The following KIAA0586 variants were observed in gnomAD, a reference collection of about 807,000 sequenced individuals.
KIAA0586 encodes the protein KIAA0586.
Under a neutral mutation model 169.8 loss-of-function variants are expected in KIAA0586, and 144 were observed. That is an observed-to-expected ratio of 0.85 (90% confidence interval 0.74 to 0.97). The LOEUF (loss-of-function observed/expected upper bound fraction) is 0.97. KIAA0586 is among the 50% of genes least tolerant of loss of function. The pLI, the probability that KIAA0586 is intolerant of heterozygous loss-of-function variation, is 0.00. For missense variants in KIAA0586, 1,854 were observed against 1,823.0 expected (o/e 1.02, Z -0.31); for synonymous variants, 625 against 612.4 (o/e 1.02, Z -0.30).
chr14:58,544,820 G>T (rs745690453), intron 30 of KIAA0586, among the ~76,000 whole-genome samples: 3 of 152,148 alleles, frequency 2.0e-5, no homozygotes, highest in Non-Finnish European at 4.4e-5. Flanking sequence ...ACAGGACTTG[G>T]CCCTGGCCTT....
At chr14:58,494,767 T>C (rs112664159) in intron 26 of KIAA0586, among the ~76,000 whole-genome samples, 3 of 152,174 alleles carry the variant, frequency 2.0e-5, no homozygotes, top group Non-Finnish European at 4.4e-5. Context: ...GAAGGAATGA[T>C]GCCCACGGAT....
In KIAA0586 at chr14:58,487,873, A is replaced by AC; in HGVS notation, c.3305-14_3305-13insC. 6.3e-7 allele frequency: 1 copy of AC among 1,598,284 alleles called. No homozygotes were observed. The highest frequency in any genetic ancestry group is 1.3e-5 in the African/African-American group (1 of 74,208). Reference sequence around the variant, plus strand: ...CTACTATCTTTTTCTGTCCTTTTAAAAAAAAACCTTTAGGAGATGATATGC... The same window carrying AC: ...CTACTATCTTTTTCTGTCCTTTTAAACAAAAAACCTTTAGGAGATGATATGC... On this transcript the variant is annotated splice_polypyrimidine_tract_variant and intron_variant, in intron 22 of 30. Coordinates refer to ENST00000652326, the MANE Select transcript of KIAA0586 (RefSeq NM_001329943.3).
At chr14:58,457,038 C>G (rs1489269119) in intron 10 of KIAA0586, among the ~76,000 whole-genome samples, 1 of 152,166 alleles carries the variant, frequency 6.6e-6, no homozygotes, top group Non-Finnish European at 1.5e-5. Context: ...CTCTGGCTTC[C>G]CAGCTTCTGT....
Position 58,458,477 on chromosome 14 carries a change from A to G in KIAA0586, c.1588A>G (p.Met530Val). Residue 530 changes from methionine to valine, a missense_variant, in exon 12 of 31, where the codon ATG becomes GTG. Physicochemically the swap from Met to Val is conservative, Grantham distance 21. Coordinates refer to ENST00000652326, the MANE Select transcript of KIAA0586 (RefSeq NM_001329943.3). The stretch of plus-strand genomic sequence containing the variant: ...ATTCCTTTTTCTCTTTTATAGAGAG[A>G]TGTCAGAGAAAATTAGGATCAGAAA... ...LINALSTNREMSEKIRIRKTV... is the reference protein window; with the variant it reads ...LINALSTNREVSEKIRIRKTV... 1.3e-6 allele frequency: 2 copies of G among 1,518,514 alleles called. No homozygotes were observed. Among genetic ancestry groups the G allele is most frequent in the Non-Finnish European group, 1.8e-6 (2 of 1,118,376 alleles). The allele number at this position is 1,518,514 out of a possible 1,614,324, so 94.1% of individuals were successfully genotyped here.
chr14:58,553,074 G>A (rs957973975), downstream of KIAA0586, among the ~76,000 whole-genome samples: 2 of 152,188 alleles, frequency 1.3e-5, no homozygotes, highest in South Asian at 2.1e-4. Context: ...ATAGTCGGAC[G>A]GGTTATAAAA....
chr14:58,498,002 C>T (rs183510897), intron 26 of KIAA0586, among the ~76,000 whole-genome samples: 74 of 151,612 alleles, frequency 4.9e-4, no homozygotes, highest in Middle Eastern at 6.8e-3. Context: ...CTCAGCCTCC[C>T]GAGTAGCTGG....
At position 58,442,894 on chromosome 14, in the gene KIAA0586, C is replaced by A; in HGVS notation, c.585+14C>A. The A allele has an allele frequency of 6.3e-7, 1 of 1,577,836 alleles. No homozygotes were observed. The highest frequency in any genetic ancestry group is 1.2e-5 in the South Asian group (1 of 86,274). On this transcript the variant is annotated intron_variant, in intron 5 of 30. Transcript: ENST00000652326. ...CCGTTGATAAAGGTATATTTTTCTT[C>A]CCAGATAATCATAACTACTTTGTGA...
chr14:58,488,226 C>T (rs2042605862), intron 23 of KIAA0586, 117 bp downstream of exon 23: 1 of 819,308 alleles, frequency 1.2e-6, no homozygotes, highest in Non-Finnish European at 1.8e-6. Context: ...CTACCTTATA[C>T]TTTGAAAGAA....
chr14:58,485,906 C>G (rs567848402), intron 21 of KIAA0586, among the ~76,000 whole-genome samples: 50 of 151,726 alleles, frequency 3.3e-4, no homozygotes, highest in African/African-American at 1.2e-3. Context: ...TGTTCTATGC[C>G]TTTCCTTCAT....
chr14:58,481,417 T>C (rs2042021788), intron 20 of KIAA0586, among the ~76,000 whole-genome samples: 1 of 152,228 alleles, frequency 6.6e-6, no homozygotes, highest in African/African-American at 2.4e-5. Context: ...CTATAGGACA[T>C]CTGATAACAA....
At position 58,461,089 on chromosome 14, in the gene KIAA0586, C is replaced by A; in HGVS notation, c.1988C>A (p.Pro663Gln). Reference sequence around the variant, plus strand: ...CATCGAAGCACTCTTAAAAAAGGACCATATCTCAGATTTAATTCTCCATCT... The same window carrying A: ...CATCGAAGCACTCTTAAAAAAGGACAATATCTCAGATTTAATTCTCCATCT... ...QGHRSTLKKG[P>Q]YLRFNSPSPK... The change falls in exon 14 of 31, where the codon CCA becomes CAA. Residue 663 changes from proline (P) to glutamine (Q), a missense_variant. Coordinates refer to ENST00000652326, the MANE Select transcript of KIAA0586 (RefSeq NM_001329943.3). 1 of 1,609,436 alleles carries A rather than the reference C, an allele frequency of 6.2e-7. No homozygotes were observed. The highest frequency in any genetic ancestry group is 8.5e-7 in the Non-Finnish European group (1 of 1,177,734).
chr14:58,518,636 T>C (rs1304252203), intron 29 of KIAA0586, among the ~76,000 whole-genome samples: 1 of 152,246 alleles, frequency 6.6e-6, no homozygotes, highest in Non-Finnish European at 1.5e-5. Flanking sequence ...GCTACTAAGC[T>C]TCAATGCCTT....
rs2040054083 is a variant in KIAA0586, at chr14:58,458,483, G to T, written c.1594G>T (p.Glu532Ter). ...TTTTCTCTTTTATAGAGAGATGTCA[G>T]AGAAAATTAGGATCAGAAAGACAGT... ...NALSTNREMSEKIRIRKTVDE... is the reference protein window; with the variant it reads ...NALSTNREMS The change falls in exon 12 of 31, where the codon GAG (glutamate) becomes TAG (stop). Residue 532 changes from glutamate to a stop codon, truncating the protein, a stop_gained. Coordinates refer to ENST00000652326, the MANE Select transcript of KIAA0586 (RefSeq NM_001329943.3). LOFTEE classifies it high-confidence loss of function. The T allele has an allele frequency of 1.3e-6, 2 of 1,533,190 alleles. No individual in the cohort carries two copies. Among genetic ancestry groups the T allele is most frequent in the African/African-American group, 1.4e-5 (1 of 72,672 alleles). 95.0% of individuals were successfully genotyped at this position (1,533,190 alleles called of 1,614,324 possible). A position where few individuals can be genotyped will look rare whatever the true frequency, so the allele number is the denominator to read the frequency against.
At chr14:58,439,953 T>G (rs916609875) in intron 4 of KIAA0586, 15 of 272,552 alleles carry the variant, frequency 5.5e-5, no homozygotes, top group Non-Finnish European at 7.1e-5. Flanking sequence ...TTGGCTAGCC[T>G]TCTTTTTTCT....
chr14:58,547,945 A>T lies in KIAA0586; in HGVS notation c.*13A>T, dbSNP rs755575817. Reference sequence around the variant, plus strand: ...AGATACCTTCTGAACGGGAAGAGACAGCCAGCACAGTGTTTATGCCACTGG... The same window carrying T: ...AGATACCTTCTGAACGGGAAGAGACTGCCAGCACAGTGTTTATGCCACTGG... On this transcript the variant is annotated 3_prime_UTR_variant, in exon 31 of 31. Coordinates refer to ENST00000652326, the MANE Select transcript of KIAA0586 (RefSeq NM_001329943.3). 6.2e-7 allele frequency: 1 copy of T among 1,613,038 alleles called. No homozygotes were observed. Among genetic ancestry groups the T allele is most frequent in the South Asian group, 1.1e-5 (1 of 90,898 alleles).
chr14:58,517,963 T>C (rs2044886097), intron 29 of KIAA0586, among the ~76,000 whole-genome samples: 1 of 152,214 alleles, frequency 6.6e-6, no homozygotes. Context: ...AGGTCAGTGG[T>C]TGCCTTGAAG....
intron 29 of KIAA0586, chr14:58,521,012 G>A (rs963651778): frequency 2.6e-5 from 8 of 303,364 alleles, no homozygotes; most frequent in African/African-American, 6.5e-5. Context: ...CTGCTCTCCC[G>A]GGATAAAAAG....
intron 24 of KIAA0586, among the ~76,000 whole-genome samples, chr14:58,489,956 G>A (rs1328720839): frequency 6.6e-6 from 1 of 151,974 alleles, no homozygotes; most frequent in Non-Finnish European, 1.5e-5. Context: ...CAAACTGGTA[G>A]GTTAAACAAA....
At chr14:58,453,532 A>G in intron 9 of KIAA0586, 59 bp downstream of exon 9, 2 of 1,241,172 alleles carry the variant, frequency 1.6e-6, no homozygotes, top group East Asian at 3.1e-5. Flanking sequence ...AAGATTTTTC[A>G]AATTTCTTTG....
Sources: allele counts gnomAD v4.1 joint callset (sites outside exome capture counted in the v4.1 genomes callset), GRCh38; gene constraint gnomAD v4.1.1; transcripts MANE v1.5; gene names NCBI Gene and HGNC (gene_info 2026-07-23, HGNC 2026-07-21).